CTNNBIP1: variants seen among roughly 807,000 people sequenced by gnomAD.
CTNNBIP1 encodes the protein catenin beta interacting protein 1.
In CTNNBIP1, 7 loss-of-function variants were observed where a neutral mutation model predicts 11.8. The ratio of observed to expected loss-of-function variants is 0.60; its 90% CI spans 0.34 to 1.12. CTNNBIP1 has a LOEUF of 1.12. CTNNBIP1 is among the 50% of genes most tolerant of loss of function. The pLI is 0.03. For synonymous variants in CTNNBIP1, 58 were observed against 43.9 expected, an observed-to-expected ratio of 1.32 and a Z score of -1.26; for missense variants, 101 against 113.4, an observed-to-expected ratio of 0.89 and a Z score of 0.50.
At chr1:9,888,829 G>A (rs895752915) in intron 1 of CTNNBIP1, among the ~76,000 whole-genome samples, 13 of 152,150 alleles carry the variant, frequency 8.5e-5, no homozygotes, top group East Asian at 3.9e-4. Flanking sequence ...CAGCAGTGCC[G>A]TGCACGCTGT....
chr1:9,858,258 A>G (rs1477813064), intron 5 of CTNNBIP1, among the ~76,000 whole-genome samples: 2 of 152,112 alleles, frequency 1.3e-5, no homozygotes, highest in African/African-American at 4.8e-5. Context: ...GCCAGGGGGA[A>G]GTTGTTAGAA....
chr1:9,860,411 T>G (rs1002182905), intron 5 of CTNNBIP1, among the ~76,000 whole-genome samples: 1 of 111,258 alleles, frequency 9.0e-6, no homozygotes, highest in African/African-American at 3.7e-5. Flanking sequence ...GCCAACATGG[T>G]GAAACCCCGT....
chr1:9,861,654 C>T (rs772802193), intron 5 of CTNNBIP1, among the ~76,000 whole-genome samples: 6 of 152,316 alleles, frequency 3.9e-5, no homozygotes, highest in Non-Finnish European at 8.8e-5. Context: ...GGACGTGCAT[C>T]GAGCTGCCAA....
chr1:9,882,734 G>C (rs1639110073), intron 2 of CTNNBIP1, among the ~76,000 whole-genome samples: 1 of 152,136 alleles, frequency 6.6e-6, no homozygotes, highest in Non-Finnish European at 1.5e-5. Context: ...GAGTGGGGCT[G>C]TGGCTGTGGC....
At chr1:9,908,340 A>C (rs1384151771) in intron 1 of CTNNBIP1, among the ~76,000 whole-genome samples, 1 of 147,544 alleles carries the variant, frequency 6.8e-6, no homozygotes, top group African/African-American at 2.5e-5. Context: ...TACAGGCATG[A>C]ACCACTGAGT....
intron 5 of CTNNBIP1, among the ~76,000 whole-genome samples, chr1:9,864,430 G>A (rs1010459377): frequency 5.3e-5 from 8 of 152,318 alleles, no homozygotes; most frequent in East Asian, 3.9e-4. Context: ...CCGGGTTCAC[G>A]CCATTCTCCT....
intron 1 of CTNNBIP1, among the ~76,000 whole-genome samples, chr1:9,906,520 T>C (rs1639623615): frequency 2.6e-5 from 4 of 151,874 alleles, no homozygotes; most frequent in Admixed American, 2.6e-4. Context: ...GATTGTGCTA[T>C]TGCACTCCAG....
intron 5 of CTNNBIP1, among the ~76,000 whole-genome samples, chr1:9,861,733 C>A (rs1188332337): frequency 6.6e-6 from 1 of 152,202 alleles, no homozygotes; most frequent in African/African-American, 2.4e-5. Flanking sequence ...CAGGAGGCAG[C>A]TAAAGGCCCT....
At chr1:9,876,560 G>A (rs1464431752) in intron 3 of CTNNBIP1, among the ~76,000 whole-genome samples, 2 of 152,114 alleles carry the variant, frequency 1.3e-5, no homozygotes, top group African/African-American at 2.4e-5. Flanking sequence ...GCAGTTGCCT[G>A]GAGCCAAGAT....
intron 5 of CTNNBIP1, among the ~76,000 whole-genome samples, chr1:9,869,078 C>T (rs1370354974): frequency 6.6e-6 from 1 of 151,584 alleles, no homozygotes; most frequent in African/African-American, 2.4e-5. Context: ...TGGCTCACTG[C>T]AGCATCAACC....
intron 2 of CTNNBIP1, among the ~76,000 whole-genome samples, chr1:9,879,677 G>A (rs775157715): frequency 6.6e-6 from 1 of 152,150 alleles, no homozygotes; most frequent in Non-Finnish European, 1.5e-5. Context: ...TTCCACCCAA[G>A]TCCCCACATT....
At chr1:9,894,470 C>G (rs1464316487) in intron 1 of CTNNBIP1, among the ~76,000 whole-genome samples, 1 of 152,044 alleles carries the variant, frequency 6.6e-6, no homozygotes, top group Non-Finnish European at 1.5e-5. Context: ...ATCCTCCCCC[C>G]TCAGCCTCCT....
At chr1:9,866,900 T>G (rs897265457) in intron 5 of CTNNBIP1, among the ~76,000 whole-genome samples, 1 of 151,638 alleles carries the variant, frequency 6.6e-6, no homozygotes, top group African/African-American at 2.4e-5. Flanking sequence ...CTGGGGAGCC[T>G]TAGGATGGAC....
intron 1 of CTNNBIP1, among the ~76,000 whole-genome samples, chr1:9,884,778 A>T (rs1639151815): frequency 6.6e-6 from 1 of 152,112 alleles, no homozygotes; most frequent in African/African-American, 2.4e-5. Context: ...CCCGCGGGTG[A>T]GTGGGAACAG....
chr1:9,893,215 G>C (rs1276599830), intron 1 of CTNNBIP1: 1 of 152,218 alleles, frequency 6.6e-6, no homozygotes, highest in Admixed American at 6.5e-5. Flanking sequence ...AGCCACCACA[G>C]ACAAGCTCAG....
chr1:9,861,762 T>C (rs1638632160), intron 5 of CTNNBIP1, among the ~76,000 whole-genome samples: 1 of 152,166 alleles, frequency 6.6e-6, no homozygotes, highest in South Asian at 2.1e-4. Flanking sequence ...TGGGGTCCCT[T>C]GTGGTACCCC....
chr1:9,891,915 C>T (rs1639309403), intron 1 of CTNNBIP1, among the ~76,000 whole-genome samples: 1 of 150,608 alleles, frequency 6.6e-6, no homozygotes, highest in Non-Finnish European at 1.5e-5. Flanking sequence ...GATTCTCCTG[C>T]CTCGGCCTCC....
intron 3 of CTNNBIP1, among the ~76,000 whole-genome samples, chr1:9,875,071 C>T (rs1359994733): frequency 6.6e-6 from 1 of 152,184 alleles, no homozygotes; most frequent in Non-Finnish European, 1.5e-5. Flanking sequence ...ACAAAAGCGC[C>T]AGCGTTGCTT....
intron 5 of CTNNBIP1, among the ~76,000 whole-genome samples, chr1:9,856,319 T>A (rs977286883): frequency 1.3e-5 from 2 of 151,492 alleles, no homozygotes; most frequent in African/African-American, 4.9e-5. Context: ...CAGGAAATGG[T>A]TTCTTAGTTA....
Sources: gnomAD v4.1 joint callset for allele counts (sites outside exome capture counted in the v4.1 genomes callset) on GRCh38, gnomAD v4.1.1 for gene constraint, MANE v1.5 for transcripts, NCBI Gene and HGNC (gene_info 2026-07-23, HGNC 2026-07-21) for gene names.